Variants in ERBB4 observed in about 807,000 individuals in gnomAD.
ERBB4 encodes receptor tyrosine-protein kinase erbB-4.
In ERBB4, 42 loss-of-function variants were observed where a neutral mutation model predicts 158.0. That is an observed-to-expected ratio of 0.27 (90% CI 0.21 to 0.34). ERBB4 has a LOEUF of 0.34. ERBB4 is among the 10% of genes least tolerant of loss of function. The pLI is 1.00. For synonymous variants in ERBB4, 583 were observed against 558.7 expected, an observed-to-expected ratio of 1.04 and a Z score of -0.61; for missense variants, 1,333 against 1,624.1, an observed-to-expected ratio of 0.82 and a Z score of 3.08.
chr2:211,524,668 C>CGAGTGCTCCGGCTGCTCCGGCTGCTCT (rs2066292067), intron 20 of ERBB4, among the ~76,000 whole-genome samples: 1 of 147,786 alleles, frequency 6.8e-6, no homozygotes, highest in African/African-American at 2.6e-5. Context: ...CCGGCTGCTC[C>CGAGTGCTCCGGCTGCTCCGGCTGCTCT]GAGTGCGGGG....
chr2:211,894,836 G>T (rs1244709040), intron 3 of ERBB4, among the ~76,000 whole-genome samples: 6 of 152,058 alleles, frequency 3.9e-5, no homozygotes, highest in Admixed American at 2.6e-4. Flanking sequence ...ACATTACAGG[G>T]TAACGATCTA....
intron 2 of ERBB4, among the ~76,000 whole-genome samples, chr2:212,021,797 G>A (rs1026318660): frequency 3.3e-5 from 5 of 151,550 alleles, no homozygotes; most frequent in Admixed American, 2.0e-4. Flanking sequence ...CAAAATGGGA[G>A]AAAATTTTTG....
chr2:212,122,352 CATAAT>C (rs1457162693), intron 2 of ERBB4, among the ~76,000 whole-genome samples: 1 of 142,012 alleles, frequency 7.0e-6, no homozygotes, highest in African/African-American at 2.6e-5. Context: ...GGGTACATGT[CATAAT>C]ATAAATGATT....
At chr2:211,736,901 A>G (rs1020090029) in intron 5 of ERBB4, among the ~76,000 whole-genome samples, 1 of 152,168 alleles carries the variant, frequency 6.6e-6, no homozygotes, top group African/African-American at 2.4e-5. Context: ...TAAAGCTTTT[A>G]TGCATGATTA....
chr2:212,534,061 T>C (rs781567802), intron 1 of ERBB4, among the ~76,000 whole-genome samples: 1 of 152,188 alleles, frequency 6.6e-6, no homozygotes, highest in Non-Finnish European at 1.5e-5. Flanking sequence ...TTTAGGCACT[T>C]ACAAACTATA....
intron 1 of ERBB4, among the ~76,000 whole-genome samples, chr2:212,151,599 T>C (rs1444699647): frequency 6.6e-6 from 1 of 151,858 alleles, no homozygotes; most frequent in Admixed American, 6.6e-5. Context: ...AAAATAAAAA[T>C]GGTCCATGGC....
intron 2 of ERBB4, among the ~76,000 whole-genome samples, chr2:212,073,613 A>G (rs1475790984): frequency 6.6e-6 from 1 of 152,012 alleles, no homozygotes; most frequent in African/African-American, 2.4e-5. Flanking sequence ...ACTGAAAGTC[A>G]GAAAACCAGG....
intron 2 of ERBB4, among the ~76,000 whole-genome samples, chr2:212,067,917 C>T (rs2077992367): frequency 6.6e-6 from 1 of 151,976 alleles, no homozygotes; most frequent in Admixed American, 6.6e-5. Context: ...GAGGAATCTA[C>T]ACAATCAATG....
At chr2:211,753,751 AAT>A (rs147569138) in intron 4 of ERBB4, among the ~76,000 whole-genome samples, 3 of 147,812 alleles carry the variant, frequency 2.0e-5, no homozygotes, top group African/African-American at 7.4e-5. Flanking sequence ...ATATATATTT[AAT>A]ATATATATAT....
At chr2:212,266,002 G>A (rs2085121735) in intron 1 of ERBB4, among the ~76,000 whole-genome samples, 1 of 151,904 alleles carries the variant, frequency 6.6e-6, no homozygotes, top group African/African-American at 2.4e-5. Flanking sequence ...GCTCTCTGCT[G>A]CAAAAGCAAT....
chr2:211,903,097 TAA>T (rs1451969959), intron 3 of ERBB4, among the ~76,000 whole-genome samples: 1 of 151,702 alleles, frequency 6.6e-6, no homozygotes, highest in African/African-American at 2.4e-5. Flanking sequence ...TTAAGTAACT[TAA>T]AATAAGTCTC....
At chr2:212,172,431 T>C (rs2081545571) in intron 1 of ERBB4, among the ~76,000 whole-genome samples, 1 of 152,182 alleles carries the variant, frequency 6.6e-6, no homozygotes, top group Non-Finnish European at 1.5e-5. Context: ...CCCAAAGGAC[T>C]ATAAATTGTT....
intron 1 of ERBB4, among the ~76,000 whole-genome samples, chr2:212,213,808 A>G (rs958690183): frequency 6.6e-6 from 1 of 151,756 alleles, no homozygotes; most frequent in African/African-American, 2.4e-5. Flanking sequence ...AGGCTATTTA[A>G]TTGCTTTCTA....
At chr2:212,000,020 C>G (rs962349769) in intron 2 of ERBB4, among the ~76,000 whole-genome samples, 1 of 151,606 alleles carries the variant, frequency 6.6e-6, no homozygotes, top group Non-Finnish European at 1.5e-5. Flanking sequence ...TTCGGTAATT[C>G]CTTTCTAAAG....
chr2:212,339,951 CAAT>C (rs893538281), intron 1 of ERBB4, among the ~76,000 whole-genome samples: 10 of 151,990 alleles, frequency 6.6e-5, no homozygotes, highest in African/African-American at 1.7e-4. Context: ...AATACACAAA[CAAT>C]GATGATGCTG....
At chr2:212,457,322 C>T (rs1364878490) in intron 1 of ERBB4, among the ~76,000 whole-genome samples, 2 of 151,892 alleles carry the variant, frequency 1.3e-5, no homozygotes, top group African/African-American at 4.8e-5. Flanking sequence ...CTCTTCCTTC[C>T]TACATGAATG....
At chr2:211,903,258 C>T (rs1209798389) in intron 3 of ERBB4, among the ~76,000 whole-genome samples, 1 of 151,980 alleles carries the variant, frequency 6.6e-6, no homozygotes, top group South Asian at 2.1e-4. Context: ...TGAAAACAAA[C>T]TTTGTATTTA....
At chr2:211,828,173 T>C (rs1402559286) in intron 3 of ERBB4, among the ~76,000 whole-genome samples, 2 of 152,200 alleles carry the variant, frequency 1.3e-5, no homozygotes, top group African/African-American at 4.8e-5. Context: ...GATTGACTTT[T>C]ATATGTTCAG....
chr2:212,224,887 TCATA>T (rs1438549864), intron 1 of ERBB4, among the ~76,000 whole-genome samples: 2 of 152,068 alleles, frequency 1.3e-5, no homozygotes, highest in Non-Finnish European at 2.9e-5. Context: ...ATTTGTTGAG[TCATA>T]CATTTTATGA....
Sources: gnomAD v4.1 joint callset for allele counts (sites outside exome capture counted in the v4.1 genomes callset) on GRCh38, gnomAD v4.1.1 for gene constraint, MANE v1.5 for transcripts, NCBI Gene and HGNC (gene_info 2026-07-23, HGNC 2026-07-21) for gene names.